CHRM3: variants seen among roughly 807,000 people sequenced by gnomAD.
CHRM3 encodes cholinergic receptor muscarinic 3, also known as muscarinic acetylcholine receptor M3.
In CHRM3, 11 loss-of-function variants were observed where a neutral mutation model predicts 41.8. The ratio of observed to expected loss-of-function variants is 0.26; its 90% confidence interval spans 0.17 to 0.44. The LOEUF is 0.44. CHRM3 is among the 20% of genes least tolerant of loss of function. The pLI is 1.00. For synonymous variants in CHRM3, 297 were observed against 301.4 expected (o/e 0.99, Z 0.15); for missense variants, 571 against 745.4 (o/e 0.77, Z 2.72).
intron 3 of CHRM3, among the ~76,000 whole-genome samples, chr1:239,590,544 T>A (rs1652876281): frequency 6.6e-6 from 1 of 152,188 alleles, no homozygotes; most frequent in South Asian, 2.1e-4. Flanking sequence ...TATAATTTTT[T>A]AAAAAGTCTT....
At chr1:239,817,113 G>A (rs1227053268) in intron 5 of CHRM3, among the ~76,000 whole-genome samples, 2 of 152,106 alleles carry the variant, frequency 1.3e-5, no homozygotes, top group East Asian at 3.9e-4. Context: ...ATAATATATG[G>A]ACACAGACAG....
intron 1 of CHRM3, among the ~76,000 whole-genome samples, chr1:239,414,493 G>A (rs1432399905): frequency 1.3e-5 from 2 of 152,198 alleles, no homozygotes; most frequent in East Asian, 3.8e-4. Context: ...TGCGCTGTGT[G>A]ACATTAAACA....
At chr1:239,529,602 T>G (rs1436824997) in intron 2 of CHRM3, among the ~76,000 whole-genome samples, 1 of 85,592 alleles carries the variant, frequency 1.2e-5, no homozygotes, top group Non-Finnish European at 2.1e-5. Context: ...ACAGAGAGAC[T>G]CCGTCTCAAA....
rs1416929231 is a variant in CHRM3 at position 239,481,644 on chromosome 1, A to G, written c.-520-11065A>G. 3.3e-5 allele frequency among the ~76,000 whole-genome samples: 5 copies of G among 152,224 alleles called. No homozygotes were observed. The East Asian group carries it at 7.7e-4, about 23-fold the overall frequency. On this transcript the variant is annotated intron_variant, in intron 1 of 6. Coordinates refer to ENST00000676153, the MANE Select transcript of CHRM3 (RefSeq NM_001375978.1). ...TTGAAGAGCAAAATTTCATTGAACT[A>G]TTGGTAAAAGAGACAAACACAGAAG...
intron 3 of CHRM3, among the ~76,000 whole-genome samples, chr1:239,549,650 G>C (rs78094012): frequency 0.11 from 15,531 of 142,252 alleles, 873 homozygotes; most frequent in African/African-American, 0.15. Context: ...AACAGTGAGA[G>C]ACTCCATCTA....
At chr1:239,417,471 A>C (rs1200956722) in intron 1 of CHRM3, among the ~76,000 whole-genome samples, 1 of 152,196 alleles carries the variant, frequency 6.6e-6, no homozygotes, top group African/African-American at 2.4e-5. Context: ...CTTCGTTATG[A>C]ACAATAAATC....
intron 1 of CHRM3, among the ~76,000 whole-genome samples, chr1:239,404,723 T>TATATATA (rs1660442870): frequency 1.5e-5 from 1 of 67,366 alleles, no homozygotes; most frequent in East Asian, 4.9e-4. Context: ...TATCTAAATA[T>TATATATA]ATATATATAT....
intron 5 of CHRM3, among the ~76,000 whole-genome samples, chr1:239,717,610 G>A (rs1237431589): frequency 6.6e-6 from 1 of 152,020 alleles, no homozygotes; most frequent in Non-Finnish European, 1.5e-5. Flanking sequence ...TAAAGTCCTA[G>A]TGTGGCAGGA....
At chr1:239,896,786 C>T (rs1679042171) in intron 6 of CHRM3, among the ~76,000 whole-genome samples, 1 of 152,144 alleles carries the variant, frequency 6.6e-6, no homozygotes, top group Non-Finnish European at 1.5e-5. Flanking sequence ...CACATTTTCC[C>T]CAGGTTGTGA....
intron 4 of CHRM3, among the ~76,000 whole-genome samples, chr1:239,639,175 T>C (rs1352578675): frequency 6.6e-6 from 1 of 152,116 alleles, no homozygotes; most frequent in Non-Finnish European, 1.5e-5. Flanking sequence ...AGCCTTGTAG[T>C]ATAGTTTGAA....
intron 1 of CHRM3, among the ~76,000 whole-genome samples, chr1:239,389,411 A>T (rs553669349): frequency 2.7e-4 from 41 of 152,310 alleles, no homozygotes; most frequent in Non-Finnish European, 4.9e-4. Flanking sequence ...ACTTCTGAAG[A>T]TTATTTAGGC....
intron 5 of CHRM3, among the ~76,000 whole-genome samples, chr1:239,720,541 G>T (rs569049274): frequency 6.6e-6 from 1 of 152,006 alleles, no homozygotes; most frequent in South Asian, 2.1e-4. Context: ...TGAACAGAAA[G>T]CTAAGCATGA....
rs374086306 is a variant in CHRM3, at chr1:239,828,915, G to A, written c.-20+1537G>A. Among the ~76,000 whole-genome samples, 31 of 152,270 alleles carry A rather than the reference G, an allele frequency of 2.0e-4. 1 individual carries two copies. Among genetic ancestry groups the A allele is most frequent in the African/African-American group, 7.0e-4 (29 of 41,556 alleles). Reference sequence around the variant, plus strand: ...ACTTTCAGGAAATGGTCATGGCTTGGACTAAGATTTGGGGCAAATTTAAAG... The same window carrying A: ...ACTTTCAGGAAATGGTCATGGCTTGAACTAAGATTTGGGGCAAATTTAAAG... On this transcript the variant is annotated intron_variant, in intron 6 of 6. Coordinates refer to ENST00000676153, the MANE Select transcript of CHRM3 (RefSeq NM_001375978.1).
intron 3 of CHRM3, among the ~76,000 whole-genome samples, chr1:239,573,135 T>G (rs1317122885): frequency 3.9e-5 from 6 of 152,182 alleles, no homozygotes; most frequent in Non-Finnish European, 4.4e-5. Context: ...GCCACGAGGC[T>G]GCCTAGTTCC....
At chr1:239,880,802 T>C (rs945835050) in intron 6 of CHRM3, among the ~76,000 whole-genome samples, 3 of 152,088 alleles carry the variant, frequency 2.0e-5, no homozygotes, top group Admixed American at 1.3e-4. Flanking sequence ...CAGCCAGCCA[T>C]GTAGGTTTTA....
At chr1:239,394,353 G>A (rs767532208) in intron 1 of CHRM3, among the ~76,000 whole-genome samples, 28 of 152,054 alleles carry the variant, frequency 1.8e-4, no homozygotes, top group African/African-American at 6.3e-4. Flanking sequence ...CTGTGGTCAC[G>A]TTGCCTCCTC....
At chr1:239,743,528 G>A (rs570891385) in intron 5 of CHRM3, among the ~76,000 whole-genome samples, 4 of 152,136 alleles carry the variant, frequency 2.6e-5, no homozygotes, top group Admixed American at 6.5e-5. Context: ...GGAGTCTTGC[G>A]GGCACTTTAC....
At chr1:239,690,260 C>A (rs760219299) in intron 5 of CHRM3, among the ~76,000 whole-genome samples, 4 of 152,110 alleles carry the variant, frequency 2.6e-5, no homozygotes, top group African/African-American at 7.2e-5. Context: ...CAGAGTCTCT[C>A]TGTCACCAGG....
chr1:239,465,789 G>C (rs775258044), intron 1 of CHRM3, among the ~76,000 whole-genome samples: 1 of 152,038 alleles, frequency 6.6e-6, no homozygotes, highest in Non-Finnish European at 1.5e-5. Flanking sequence ...GTTCACTTAC[G>C]TGAGAATTTT....
Sources: gnomAD v4.1 joint callset for allele counts (sites outside exome capture counted in the v4.1 genomes callset) on GRCh38, gnomAD v4.1.1 for gene constraint, MANE v1.5 for transcripts, NCBI Gene and HGNC (gene_info 2026-07-23, HGNC 2026-07-21) for gene names.